The following SAMMSON variants were observed in gnomAD, a reference collection of about 807,000 sequenced individuals.
The protein encoded by SAMMSON is long intergenic non-protein coding RNA 1212.
intron 2 of SAMMSON, among the ~76,000 whole-genome samples, chr3:70,431,696 C>A (rs60634093): frequency 0.026 from 3,979 of 152,106 alleles, 203 homozygotes; most frequent in African/African-American, 0.092. Flanking sequence ...ATAATGATCA[C>A]TCTAAACAAG....
chr3:70,292,366 A>G (rs113357322), intron 7 of SAMMSON, among the ~76,000 whole-genome samples: 20 of 152,118 alleles, frequency 1.3e-4, no homozygotes, highest in African/African-American at 4.3e-4. Context: ...GTTGGCCTTG[A>G]TATCTTCAGC....
intron 2 of SAMMSON, among the ~76,000 whole-genome samples, chr3:70,418,839 T>C (rs1211976487): frequency 2.6e-5 from 4 of 152,150 alleles, no homozygotes; most frequent in Non-Finnish European, 5.9e-5. Flanking sequence ...CTTCTCTTAA[T>C]TGCAAGTCAA....
chr3:70,403,008 A>G (rs1011840746), intron 2 of SAMMSON, among the ~76,000 whole-genome samples: 2 of 152,078 alleles, frequency 1.3e-5, no homozygotes. Context: ...AGACTTCCAT[A>G]TAGTCTGTAT....
chr3:70,141,671 A>G (rs866286431), intron 4 of SAMMSON, among the ~76,000 whole-genome samples: 1 of 152,206 alleles, frequency 6.6e-6, no homozygotes, highest in Non-Finnish European at 1.5e-5. Context: ...TACATTTCCC[A>G]AACAGTTTCA....
At chr3:70,381,241 G>A (rs1319553439) in intron 9 of SAMMSON, among the ~76,000 whole-genome samples, 1 of 152,158 alleles carries the variant, frequency 6.6e-6, no homozygotes, top group Non-Finnish European at 1.5e-5. Context: ...TCCCCTGTGA[G>A]CTGTATTTCA....
chr3:70,063,370 CT>C (rs2067197604), intron 3 of SAMMSON, among the ~76,000 whole-genome samples: 1 of 152,086 alleles, frequency 6.6e-6, no homozygotes, highest in Non-Finnish European at 1.5e-5. Flanking sequence ...GTGATGCCTT[CT>C]GAACCGCTTA....
At chr3:70,227,227 A>G (rs1701516597) in intron 4 of SAMMSON, among the ~76,000 whole-genome samples, 1 of 152,198 alleles carries the variant, frequency 6.6e-6, no homozygotes, top group African/African-American at 2.4e-5. Flanking sequence ...ACTGGATTAT[A>G]GTTGTTCTTA....
chr3:70,356,693 T>G (rs1702832098), intron 8 of SAMMSON, among the ~76,000 whole-genome samples: 1 of 152,172 alleles, frequency 6.6e-6, no homozygotes, highest in South Asian at 2.1e-4. Context: ...TCCTTTTTGT[T>G]TTTTTGTAGG....
intron 3 of SAMMSON, among the ~76,000 whole-genome samples, chr3:70,023,978 A>T (rs985645943): frequency 1.3e-5 from 2 of 151,696 alleles, no homozygotes; most frequent in Non-Finnish European, 2.9e-5. Flanking sequence ...AGCTGACCTT[A>T]TCAGGCTTGG....
At chr3:70,309,693 C>T (rs1245512302) in intron 7 of SAMMSON, among the ~76,000 whole-genome samples, 1 of 152,026 alleles carries the variant, frequency 6.6e-6, no homozygotes, top group Non-Finnish European at 1.5e-5. Context: ...AAAAAAAAGA[C>T]ATTTATGTTT....
chr3:70,313,471 C>T (rs1259194157), intron 7 of SAMMSON, among the ~76,000 whole-genome samples: 1 of 147,932 alleles, frequency 6.8e-6, no homozygotes, highest in African/African-American at 2.5e-5. Context: ...GAGCAAGACA[C>T]TGTCTGAAAG....
intron 4 of SAMMSON, among the ~76,000 whole-genome samples, chr3:70,178,014 C>G (rs1283119454): frequency 2.6e-5 from 4 of 152,194 alleles, no homozygotes; most frequent in Admixed American, 2.6e-4. Context: ...TCTATAAACA[C>G]TCCCTGCCCA....
intron 7 of SAMMSON, among the ~76,000 whole-genome samples, chr3:70,348,799 CTG>C (rs1702771009): frequency 6.6e-6 from 1 of 152,082 alleles, no homozygotes; most frequent in South Asian, 2.1e-4. Context: ...GTTAAAAGAA[CTG>C]TGTTTTTTTT....
chr3:70,290,521 G>T (rs1009551233), intron 6 of SAMMSON, among the ~76,000 whole-genome samples: 9 of 152,220 alleles, frequency 5.9e-5, no homozygotes, highest in Admixed American at 2.6e-4. Flanking sequence ...TTGTTTGTCT[G>T]TGCCCTGCCC....
intron 7 of SAMMSON, among the ~76,000 whole-genome samples, chr3:70,344,195 C>G (rs1368154468): frequency 6.6e-6 from 1 of 152,128 alleles, no homozygotes; most frequent in Non-Finnish European, 1.5e-5. Flanking sequence ...TGAAAAGTTG[C>G]CTTTTGACCT....
At chr3:70,167,576 G>A (rs898688146) in intron 4 of SAMMSON, among the ~76,000 whole-genome samples, 2 of 151,808 alleles carry the variant, frequency 1.3e-5, no homozygotes, top group Non-Finnish European at 2.9e-5. Flanking sequence ...GAAAAATATG[G>A]CCAGAGTACT....
intron 4 of SAMMSON, among the ~76,000 whole-genome samples, chr3:70,217,987 G>A (rs574511302): frequency 6.6e-6 from 1 of 152,234 alleles, no homozygotes; most frequent in African/African-American, 2.4e-5. Flanking sequence ...ATTTTTGGAA[G>A]GACAAGAAAT....
chr3:70,131,902 T>C (rs1320035698), intron 4 of SAMMSON, among the ~76,000 whole-genome samples: 1 of 152,116 alleles, frequency 6.6e-6, no homozygotes, highest in Admixed American at 6.6e-5. Context: ...TCGATCATGC[T>C]TACAAGTAGC....
At chr3:70,270,646 A>G (rs1701967213) in intron 6 of SAMMSON, among the ~76,000 whole-genome samples, 1 of 152,154 alleles carries the variant, frequency 6.6e-6, no homozygotes, top group African/African-American at 2.4e-5. Context: ...ACTTCCTGGG[A>G]TGGATCTTTA....
Sources: allele counts gnomAD v4.1 joint callset (sites outside exome capture counted in the v4.1 genomes callset), GRCh38; gene constraint gnomAD v4.1.1; transcripts MANE v1.5; gene names NCBI Gene and HGNC (gene_info 2026-07-23, HGNC 2026-07-21).